NFX1: variants seen among roughly 807,000 people sequenced by gnomAD.
The protein encoded by NFX1 is nuclear transcription factor, X-box binding 1.
Under a neutral mutation model 137.2 loss-of-function variants are expected in NFX1, and 69 were observed. The ratio of observed to expected loss-of-function variants is 0.50; its 90% confidence interval spans 0.41 to 0.61. NFX1 has a LOEUF of 0.61. NFX1 is among the 20% of genes least tolerant of loss of function. The pLI, the probability that NFX1 is intolerant of heterozygous loss-of-function variation, is 0.00. For synonymous variants in NFX1, 495 were observed against 474.1 expected, an observed-to-expected ratio of 1.04 and a Z score of -0.57; for missense variants, 1,167 against 1,391.0, an observed-to-expected ratio of 0.84 and a Z score of 2.56.
chr9:33,360,680 T>C (rs1351196106), intron 19 of NFX1, among the ~76,000 whole-genome samples: 1 of 152,206 alleles, frequency 6.6e-6, no homozygotes, highest in Non-Finnish European at 1.5e-5. Flanking sequence ...TATATCTCTA[T>C]TGTAGAAATA....
rs545550425 is a variant in NFX1 at position 33,331,130 on chromosome 9, C to T, written c.2005-1342C>T. On this transcript the variant is annotated intron_variant, in intron 10 of 23. Coordinates refer to ENST00000379540, the MANE Select transcript of NFX1 (RefSeq NM_002504.6). ...GCAGTGAACCGAGATTGCACCACTG[C>T]GCTCCAGCCAGGGCAACAGAGCAAG... Among the ~76,000 whole-genome samples the T allele has an allele frequency of 5.3e-5, 8 of 151,926 alleles. No homozygotes were observed. The South Asian group carries it at 8.3e-4, about 16-fold the overall frequency.
At chr9:33,306,831 C>T (rs1199899036) in intron 4 of NFX1, among the ~76,000 whole-genome samples, 2 of 152,168 alleles carry the variant, frequency 1.3e-5, no homozygotes, top group African/African-American at 4.8e-5. Context: ...TTCCCTCTCT[C>T]TGATCCTTCC....
intron 1 of NFX1, among the ~76,000 whole-genome samples, chr9:33,292,015 C>G (rs1170820927): frequency 1.3e-5 from 2 of 152,196 alleles, no homozygotes; most frequent in Non-Finnish European, 2.9e-5. Flanking sequence ...TTATTCTCCT[C>G]ACCTAGTCCT....
chr9:33,353,524 G>T (rs867172048), intron 17 of NFX1, among the ~76,000 whole-genome samples: 1 of 152,094 alleles, frequency 6.6e-6, no homozygotes. Flanking sequence ...TACCTACTAA[G>T]TGCCAAGTGT....
chr9:33,319,141 G>C lies in NFX1; in HGVS notation c.1906+14G>C. On this transcript the variant is annotated intron_variant, in intron 9 of 23. Coordinates refer to ENST00000379540, the MANE Select transcript of NFX1 (RefSeq NM_002504.6). ...GTGGTTCCTTAGGTAACTAGTAAGC[G>C]TAAAGTTGGCTTTAAAAATATTATT... is the stretch of plus-strand genomic sequence containing the variant. 1 of 1,611,022 alleles carries C rather than the reference G, an allele frequency of 6.2e-7. No homozygotes were observed. Among genetic ancestry groups the C allele is most frequent in the Non-Finnish European group, 8.5e-7 (1 of 1,177,300 alleles).
chr9:33,315,730 CA>C (rs11452803), intron 7 of NFX1, among the ~76,000 whole-genome samples: 9 of 147,882 alleles, frequency 6.1e-5, no homozygotes, highest in Non-Finnish European at 7.5e-5. Context: ...CTAACAACAA[CA>C]AAAAAAAAAA....
At chr9:33,333,621 T>G (rs1189614754) in intron 11 of NFX1, among the ~76,000 whole-genome samples, 1 of 152,144 alleles carries the variant, frequency 6.6e-6, no homozygotes, top group Non-Finnish European at 1.5e-5. Flanking sequence ...CCTAAACCTG[T>G]AACTAGCAAA....
rs956350505 is a variant in NFX1, at chr9:33,332,603, A to G, written c.2035+101A>G. Reference sequence around the variant, plus strand: ...TTATGTATTTGTCAAAATTCAGTGAAGGCATACTTAAGATTTGTGGTATAA... The same window carrying G: ...TTATGTATTTGTCAAAATTCAGTGAGGGCATACTTAAGATTTGTGGTATAA... On this transcript the variant is annotated intron_variant, in intron 11 of 23. Coordinates refer to ENST00000379540, the MANE Select transcript of NFX1 (RefSeq NM_002504.6). The G allele has an allele frequency of 8.9e-6, 7 of 783,734 alleles. No homozygotes were observed. The African/African-American group carries it at 1.2e-4, about 14-fold the overall frequency. The allele number at this position is 783,734 out of a possible 1,614,324, so 48.5% of individuals were successfully genotyped here.
rs887102998 is a variant in NFX1 at position 33,332,756 on chromosome 9, G to A, written c.2035+254G>A. 18 of 397,138 alleles carry A rather than the reference G, an allele frequency of 4.5e-5. No homozygotes were observed. In the South Asian group the frequency reaches 7.7e-4, roughly 17 times the overall value. 24.6% of individuals were successfully genotyped at this position (397,138 alleles called of 1,614,324 possible). A position where few individuals can be genotyped will look rare whatever the true frequency, so the allele number is the denominator to read the frequency against. On this transcript the variant is annotated intron_variant, in intron 11 of 23. Coordinates refer to ENST00000379540, the MANE Select transcript of NFX1 (RefSeq NM_002504.6). ...ATTAAAAAAGAAAATTAGTGGGTAG[G>A]TAGAAGAATGGATATGTATATGAAA...
rs747002301 is a variant in NFX1, at chr9:33,328,646, G to A, written c.1972G>A (p.Val658Ile). Residue 658 changes from valine (V) to isoleucine (I), a missense_variant, in exon 10 of 24, where the codon GTT becomes ATT. By Grantham distance (29) the Val-to-Ile change is conservative. This residue lies in a region of NFX1 where 488 missense variants were observed against 691.5 expected (regional missense o/e 0.71). Coordinates refer to ENST00000379540, the MANE Select transcript of NFX1 (RefSeq NM_002504.6). The part of the protein sequence containing the change: ...GDCGPCSRTS[V>I]ISCRCSFRTK... ...CTGTGGACCATGCTCTCGCACATCA[G>A]TTATTTCCTGCAGATGCTCTTTCAG... The A allele has an allele frequency of 1.2e-6, 2 of 1,611,978 alleles. No individual in the cohort carries two copies. The highest frequency in any genetic ancestry group is 1.7e-6 in the Non-Finnish European group (2 of 1,178,226).
At chr9:33,308,677 CTT>C (rs1157852946) in intron 5 of NFX1, among the ~76,000 whole-genome samples, 2 of 152,190 alleles carry the variant, frequency 1.3e-5, no homozygotes, top group Admixed American at 1.3e-4. Flanking sequence ...AATAATAACA[CTT>C]ATAGGGTTCT....
intron 1 of NFX1, among the ~76,000 whole-genome samples, chr9:33,291,797 G>A (rs532939688): frequency 6.6e-6 from 1 of 152,314 alleles, no homozygotes; most frequent in Non-Finnish European, 1.5e-5. Flanking sequence ...CAGCTACTCC[G>A]GAGGCTGAGG....
At chr9:33,326,645 A>G (rs1284420211) in intron 9 of NFX1, among the ~76,000 whole-genome samples, 1 of 152,054 alleles carries the variant, frequency 6.6e-6, no homozygotes, top group Non-Finnish European at 1.5e-5. Context: ...CTTGAGGCCA[A>G]GAGTTCAAGA....
Position 33,294,561 on chromosome 9 carries a change from T to C in NFX1, c.167T>C (p.Leu56Pro), listed in dbSNP as rs1821277254. ...TACAGTTCACCACCTCCCTGTCACC[T>C]TTCCAGGCAGGTCCCTTATGATGAA... Reference protein sequence around the residue: ...RNYSSPPPCHLSRQVPYDEIS... With the variant: ...RNYSSPPPCHPSRQVPYDEIS... The change falls in exon 2 of 24, where the codon CTT becomes CCT. Residue 56 changes from leucine to proline, a missense_variant. By Grantham distance (98) the Leu-to-Pro change is moderately conservative (BLOSUM62 -3). Coordinates refer to ENST00000379540, the MANE Select transcript of NFX1 (RefSeq NM_002504.6). The C allele has an allele frequency of 6.2e-7, 1 of 1,614,094 alleles. No individual in the cohort carries two copies. The highest frequency in any genetic ancestry group is 8.5e-7 in the Non-Finnish European group (1 of 1,180,046).
At chr9:33,365,305 G>C (rs1824138396) in intron 21 of NFX1, 1 of 153,416 alleles carries the variant, frequency 6.5e-6, no homozygotes, top group Non-Finnish European at 1.4e-5. Flanking sequence ...AGAAAGCTCT[G>C]CAGTCAGCTG....
rs535407244 is a variant in NFX1, at chr9:33,364,628, C to T, written c.2973-80C>T. The T allele has an allele frequency of 5.3e-6, 8 of 1,513,634 alleles. No individual in the cohort carries two copies. In the South Asian group the frequency reaches 9.8e-5, roughly 19 times the overall value. The allele number at this position is 1,513,634 out of a possible 1,614,324, so 93.8% of individuals were successfully genotyped here. On this transcript the variant is annotated intron_variant, in intron 20 of 23. Transcript: ENST00000379540. ...CTGCCAGCATTGTCTATTGTCTACGCTTTACAGGGAGAGGATGGGTGAAAG... is the reference window on the plus strand; with the variant it reads ...CTGCCAGCATTGTCTATTGTCTACGTTTTACAGGGAGAGGATGGGTGAAAG...
chr9:33,334,892 T>G (rs754312792), intron 11 of NFX1, among the ~76,000 whole-genome samples: 16 of 152,206 alleles, frequency 1.1e-4, no homozygotes, highest in Admixed American at 4.6e-4. Flanking sequence ...ATGCAAAATT[T>G]CAACCATACG....
intron 18 of NFX1, 48 bp downstream of exon 18, chr9:33,354,235 C>A (rs1271875070): frequency 7.2e-7 from 1 of 1,398,202 alleles, no homozygotes; most frequent in Non-Finnish European, 1.0e-6. Flanking sequence ...AATTAGACTT[C>A]AATTAGAGGG....
rs566172616 is a variant in NFX1 at position 33,370,648 on chromosome 9, G to A, written c.*670G>A. 6.6e-6 allele frequency: 1 copy of A among 152,320 alleles called. No homozygotes were observed. The highest frequency in any genetic ancestry group is 2.4e-5 in the African/African-American group (1 of 41,554). 9.4% of individuals were successfully genotyped at this position (152,320 alleles called of 1,614,324 possible). A position where few individuals can be genotyped will look rare whatever the true frequency, so the allele number is the denominator to read the frequency against. On this transcript the variant is annotated 3_prime_UTR_variant, in exon 24 of 24. Transcript: ENST00000379540. The stretch of plus-strand genomic sequence containing the variant: ...CAGAATTCTATTTCCTTAAGTCCCT[G>A]GCACTTCTCATACCACATCACTGAA...
Sources: gnomAD v4.1 joint callset for allele counts (sites outside exome capture counted in the v4.1 genomes callset) on GRCh38, gnomAD v4.1.1 for gene constraint, gnomAD v4.1.1 regional missense constraint, MANE v1.5 for transcripts, NCBI Gene and HGNC (gene_info 2026-07-23, HGNC 2026-07-21) for gene names.